IDE: variants seen among roughly 807,000 people sequenced by gnomAD.
IDE encodes insulin-degrading enzyme.
Under a neutral mutation model 133.2 loss-of-function variants are expected in IDE, and 58 were observed. That is an observed-to-expected ratio of 0.44 (90% CI 0.35 to 0.54). The LOEUF (loss-of-function observed/expected upper bound fraction) is 0.54, where lower values mean the gene tolerates loss of function less well. Ranked by LOEUF, IDE falls within the 20% of genes least tolerant of loss-of-function variation. IDE has a pLI of 0.00. For synonymous variants in IDE, 396 were observed against 421.3 expected (o/e 0.94, Z 0.73); for missense variants, 981 against 1,234.0 (o/e 0.79, Z 3.07).
intron 10 of IDE, among the ~76,000 whole-genome samples, chr10:92,505,275 C>G (rs1454151868): frequency 1.3e-5 from 2 of 152,116 alleles, no homozygotes; most frequent in Non-Finnish European, 1.5e-5. Flanking sequence ...AAAGTACACA[C>G]ATTTTTATGA....
Position 92,534,586 on chromosome 10 carries a change from G to C in IDE, c.483C>G (p.Ala161=), listed in dbSNP as rs746570259. Residue 161 remains alanine, a synonymous_variant, in exon 3 of 25, where the codon GCC becomes GCG. Transcript: ENST00000265986. ...AGGGTATTCTGCATTACCTGTCTAGGGCACCTTCTAGGTGTTCATGAGAAA... is the reference window on the plus strand; with the variant it reads ...AGGGTATTCTGCATTACCTGTCTAGCGCACCTTCTAGGTGTTCATGAGAAA... The part of the protein sequence containing the change: ...FDVSHEHLEG[A]LDRFAQFFLC... The C allele has an allele frequency of 1.2e-6, 2 of 1,608,200 alleles. No homozygotes were observed. The highest frequency in any genetic ancestry group is 2.2e-5 in the South Asian group (2 of 90,866).
intron 1 of IDE, among the ~76,000 whole-genome samples, chr10:92,546,996 A>C (rs192611531): frequency 6.2e-4 from 94 of 152,314 alleles, no homozygotes; most frequent in African/African-American, 2.1e-3. Context: ...AAACTCAACT[A>C]ATTTTACATA....
At chr10:92,544,823 T>C (rs1050783166) in intron 1 of IDE, among the ~76,000 whole-genome samples, 3 of 152,100 alleles carry the variant, frequency 2.0e-5, no homozygotes, top group Non-Finnish European at 4.4e-5. Flanking sequence ...CCATAATACA[T>C]GGCAGGATTA....
chr10:92,523,319 T>C (rs1006941995), intron 4 of IDE, among the ~76,000 whole-genome samples: 1 of 151,912 alleles, frequency 6.6e-6, no homozygotes, highest in Admixed American at 6.6e-5. Flanking sequence ...AGATGGAAGC[T>C]GTAGTGAGCC....
intron 4 of IDE, among the ~76,000 whole-genome samples, chr10:92,527,835 T>G (rs1849707473): frequency 6.6e-6 from 1 of 152,098 alleles, no homozygotes; most frequent in Admixed American, 6.6e-5. Flanking sequence ...ACTAACATGG[T>G]GAAACCCCAT....
At chr10:92,487,106 C>T in intron 13 of IDE, 90 bp downstream of exon 13, 2 of 1,297,436 alleles carry the variant, frequency 1.5e-6, no homozygotes, top group Non-Finnish European at 1.1e-6. Flanking sequence ...CCCAAATCAA[C>T]ATAGTACCAA....
intron 17 of IDE, 43 bp downstream of exon 17, chr10:92,474,797 GA>G: frequency 4.5e-6 from 7 of 1,565,854 alleles, no homozygotes; most frequent in South Asian, 3.5e-5. Context: ...ATGAATTTAG[GA>G]AAAAAATGAA....
intron 17 of IDE, among the ~76,000 whole-genome samples, chr10:92,474,065 AT>A (rs1005992203): frequency 6.6e-6 from 1 of 151,376 alleles, no homozygotes; most frequent in African/African-American, 2.4e-5. Context: ...AGAAAAAAAA[AT>A]TTTTTTTTGG....
intron 15 of IDE, among the ~76,000 whole-genome samples, chr10:92,476,395 G>A (rs1032621616): frequency 2.0e-5 from 3 of 152,088 alleles, no homozygotes; most frequent in African/African-American, 7.2e-5. Context: ...GGCTGGTCTT[G>A]AACTCCTGAC....
chr10:92,552,857 C>CAAAAAAAAAAA (rs71028827), intron 1 of IDE, among the ~76,000 whole-genome samples: 1,292 of 49,178 alleles, frequency 0.026, 112 homozygotes, highest in Middle Eastern at 0.034. Flanking sequence ...GACTCAGTCT[C>CAAAAAAAAAAA]AAAAAAAAAA....
intron 1 of IDE, among the ~76,000 whole-genome samples, chr10:92,564,584 A>C (rs1564685044): frequency 6.9e-6 from 1 of 144,862 alleles, no homozygotes; most frequent in Non-Finnish European, 1.5e-5. Flanking sequence ...CTGAGGCAGG[A>C]GAATGCTTGA....
In IDE at chr10:92,463,915, T is replaced by C. The variant is rs772780300; in HGVS notation, c.2577A>G (p.Leu859=). ...TTAAGAAAGCTTCCACTCTGCTTTC[T>C]AGGTAGTGAGGTGGCTTTTCTGACT... ...IIQSEKPPHY[L]ESRVEAFLIT... The change falls in exon 21 of 25, where the codon CTA becomes CTG. Residue 859 remains leucine (L), a synonymous_variant. Coordinates refer to ENST00000265986, the MANE Select transcript of IDE (RefSeq NM_004969.4). The C allele has an allele frequency of 2.2e-5, 35 of 1,614,060 alleles. No homozygotes were observed. Among genetic ancestry groups the C allele is most frequent in the Middle Eastern group, 3.3e-4 (2 of 6,084 alleles).
chr10:92,553,846 C>T (rs549201436), intron 1 of IDE, among the ~76,000 whole-genome samples: 1 of 152,138 alleles, frequency 6.6e-6, no homozygotes, highest in Non-Finnish European at 1.5e-5. Flanking sequence ...TAAAAAGTCT[C>T]CTAGCAAAGA....
At position 92,529,546 on chromosome 10, in the gene IDE, C is replaced by T. The variant is rs115318384; in HGVS notation, c.661+2202G>A. Among the ~76,000 whole-genome samples the T allele has an allele frequency of 6.4e-3, 968 of 152,196 alleles. 8 individuals carry two copies. The highest frequency in any genetic ancestry group is 0.022 in the African/African-American group (915 of 41,528). On this transcript the variant is annotated intron_variant, in intron 4 of 24. Coordinates refer to ENST00000265986, the MANE Select transcript of IDE (RefSeq NM_004969.4). ...TATGCCATGCAATGTATCTCTTTGCCCATCATTCCTGAAACCCTTCTATAG... is the reference window on the plus strand; with the variant it reads ...TATGCCATGCAATGTATCTCTTTGCTCATCATTCCTGAAACCCTTCTATAG...
At chr10:92,532,177 C>CA (rs980118031) in intron 3 of IDE, among the ~76,000 whole-genome samples, 7 of 143,570 alleles carry the variant, frequency 4.9e-5, no homozygotes, top group African/African-American at 1.8e-4. Context: ...AAATTAACAC[C>CA]AAAAAAGGCA....
chr10:92,560,831 T>C (rs932182644), intron 1 of IDE, among the ~76,000 whole-genome samples: 18 of 151,592 alleles, frequency 1.2e-4, no homozygotes, highest in Non-Finnish European at 1.5e-5. Context: ...CTTTTATGCA[T>C]GCTCACAGAG....
intron 22 of IDE, among the ~76,000 whole-genome samples, chr10:92,457,766 TA>T (rs752076781): frequency 6.6e-6 from 1 of 152,136 alleles, no homozygotes; most frequent in Non-Finnish European, 1.5e-5. Flanking sequence ...GGGCAGTTAC[TA>T]ATAAGCCTGG....
intron 1 of IDE, among the ~76,000 whole-genome samples, chr10:92,561,163 G>A (rs1322911274): frequency 6.6e-6 from 1 of 151,980 alleles, no homozygotes; most frequent in Non-Finnish European, 1.5e-5. Flanking sequence ...GGCTGAGGCA[G>A]GAGAATCACT....
In IDE at chr10:92,555,989, A is replaced by T. The variant is rs1028666911; in HGVS notation, c.98+17933T>A. ...GAGATCGAGACCATCCTGGCTAACAAGGTGAAACCCCGTCTCTACTAAAAA... is the reference window on the plus strand; with the variant it reads ...GAGATCGAGACCATCCTGGCTAACATGGTGAAACCCCGTCTCTACTAAAAA... On this transcript the variant is annotated intron_variant, in intron 1 of 24. Coordinates refer to ENST00000265986, the MANE Select transcript of IDE (RefSeq NM_004969.4). Among the ~76,000 whole-genome samples the T allele has an allele frequency of 1.1e-4, 16 of 151,530 alleles. No individual in the cohort carries two copies. The East Asian group carries it at 3.2e-3, about 30-fold the overall frequency.
Sources: allele counts gnomAD v4.1 joint callset (sites outside exome capture counted in the v4.1 genomes callset), GRCh38; gene constraint gnomAD v4.1.1; transcripts MANE v1.5; gene names NCBI Gene and HGNC (gene_info 2026-07-23, HGNC 2026-07-21).